The following ACSS3 variants were observed in gnomAD, a reference collection of about 807,000 sequenced individuals.
The protein encoded by ACSS3 is acyl-CoA synthetase short-chain family member 3, mitochondrial.
A neutral mutation model predicts 84.2 loss-of-function variants in ACSS3; 64 were observed. The observed-to-expected ratio is 0.76, with a 90% CI of 0.62 to 0.94. The LOEUF is 0.94. Ranked by LOEUF, ACSS3 falls within the 40% of genes least tolerant of loss-of-function variation. ACSS3 has a pLI of 0.00. For missense variants in ACSS3, 815 were observed against 867.6 expected, an observed-to-expected ratio of 0.94 and a Z score of 0.76; for synonymous variants, 317 against 310.1, an observed-to-expected ratio of 1.02 and a Z score of -0.23.
chr12:81,085,153 C>T (rs1337615276), intron 1 of ACSS3, among the ~76,000 whole-genome samples: 4 of 152,156 alleles, frequency 2.6e-5, no homozygotes, highest in African/African-American at 9.7e-5. Context: ...CAACAGGACT[C>T]CTTGTTTTTG....
At chr12:81,086,484 A>C (rs945356184) in intron 1 of ACSS3, among the ~76,000 whole-genome samples, 1 of 152,338 alleles carries the variant, frequency 6.6e-6, no homozygotes, top group Non-Finnish European at 1.5e-5. Flanking sequence ...GACAGAACAG[A>C]GTGAACTACA....
At chr12:81,163,042 A>G (rs917160498) in intron 7 of ACSS3, among the ~76,000 whole-genome samples, 1 of 151,630 alleles carries the variant, frequency 6.6e-6, no homozygotes, top group Non-Finnish European at 1.5e-5. Context: ...GGCCCAGAGG[A>G]CTGGGATCCT....
chr12:81,200,171 T>C (rs950680924), intron 9 of ACSS3, among the ~76,000 whole-genome samples: 1 of 152,194 alleles, frequency 6.6e-6, no homozygotes, highest in Non-Finnish European at 1.5e-5. Context: ...ATCTGCTGCT[T>C]CTTTTGAGGG....
chr12:81,229,279 T>C (rs148961913), intron 11 of ACSS3, among the ~76,000 whole-genome samples: 223 of 151,904 alleles, frequency 1.5e-3, no homozygotes, highest in Non-Finnish European at 1.3e-3. Context: ...GAATGAATCT[T>C]CATCAGGTTT....
At chr12:81,226,216 A>G (rs575200427) in intron 11 of ACSS3, among the ~76,000 whole-genome samples, 1 of 151,996 alleles carries the variant, frequency 6.6e-6, no homozygotes, top group South Asian at 2.1e-4. Flanking sequence ...ACTTCATTTA[A>G]CCTTGTTTAA....
chr12:81,235,280 GT>G (rs905253597), intron 13 of ACSS3, among the ~76,000 whole-genome samples: 23 of 150,456 alleles, frequency 1.5e-4, no homozygotes, highest in East Asian at 3.9e-4. Context: ...ATTGATCTAT[GT>G]TTTTTTTATG....
intron 9 of ACSS3, among the ~76,000 whole-genome samples, chr12:81,206,647 A>G (rs1432065268): frequency 1.3e-5 from 2 of 151,966 alleles, no homozygotes; most frequent in African/African-American, 4.8e-5. Context: ...GCCCTATGTC[A>G]TTATTGTTGC....
At chr12:81,227,918 C>T (rs2033324966) in intron 11 of ACSS3, among the ~76,000 whole-genome samples, 1 of 151,686 alleles carries the variant, frequency 6.6e-6, no homozygotes, top group South Asian at 2.1e-4. Context: ...TTATTCTCTT[C>T]GCTGCCATTT....
At chr12:81,105,706 G>T (rs1216222923) in intron 1 of ACSS3, among the ~76,000 whole-genome samples, 2 of 152,194 alleles carry the variant, frequency 1.3e-5, no homozygotes, top group African/African-American at 4.8e-5. Flanking sequence ...CATGGCAAGT[G>T]CTGTATATAT....
Position 81,143,225 on chromosome 12 carries a change from CT to C in ACSS3, c.900del (p.Gly301AlafsTer9). 2 of 1,602,856 alleles carry C rather than the reference CT, an allele frequency of 1.2e-6. No individual in the cohort carries two copies. Among genetic ancestry groups the C allele is most frequent in the East Asian group, 2.2e-5 (1 of 44,656 alleles). On this transcript the variant is annotated frameshift_variant, in exon 5 of 16. Coordinates refer to ENST00000548058, the MANE Select transcript of ACSS3 (RefSeq NM_024560.4). LOFTEE classifies it high-confidence loss of function. ...CACCCACTGTATATTCTTTACACAT[CT>C]GGCACAACGGGGTTACCTAAGGTAC... Reference protein sequence around the residue: ...SEHPLYILYTSGTTGLPKGVI... With the variant: ...SEHPLYILYTXGTTGLPKGVI...
At chr12:81,193,170 A>G (rs2031661851) in intron 8 of ACSS3, among the ~76,000 whole-genome samples, 1 of 152,162 alleles carries the variant, frequency 6.6e-6, no homozygotes, top group South Asian at 2.1e-4. Context: ...GAAGATAACC[A>G]CAGATATATT....
At chr12:81,115,433 T>G (rs773021890) in intron 2 of ACSS3, among the ~76,000 whole-genome samples, 1 of 152,098 alleles carries the variant, frequency 6.6e-6, no homozygotes, top group Non-Finnish European at 1.5e-5. Context: ...TTGAACTTCT[T>G]ATCCTGTGCT....
chr12:81,134,859 AAGGTGAC>A lies in ACSS3; in HGVS notation c.502_508del (p.Gly168LeufsTer8). Reference sequence around the variant, plus strand: ...GTCTTGGTCAAGCATGGCATCAAGAAAGGTGACACTGTGGTTATCTACATGCCTATGA... The same window carrying A: ...GTCTTGGTCAAGCATGGCATCAAGAAACTGTGGTTATCTACATGCCTATGA... On this transcript the variant is annotated frameshift_variant, in exon 3 of 16. Coordinates refer to ENST00000548058, the MANE Select transcript of ACSS3 (RefSeq NM_024560.4). LOFTEE classifies it high-confidence loss of function. 1 of 1,590,568 alleles carries A rather than the reference AAGGTGAC, an allele frequency of 6.3e-7. No homozygotes were observed. The highest frequency in any genetic ancestry group is 8.6e-7 in the Non-Finnish European group (1 of 1,166,486).
intron 1 of ACSS3, among the ~76,000 whole-genome samples, chr12:81,096,024 T>G (rs544702062): frequency 7.9e-5 from 12 of 152,340 alleles, no homozygotes; most frequent in African/African-American, 2.2e-4. Context: ...TTTGGAGAGT[T>G]TCCTGGAACA....
At chr12:81,105,579 A>G (rs1348207253) in intron 1 of ACSS3, among the ~76,000 whole-genome samples, 2 of 152,160 alleles carry the variant, frequency 1.3e-5, no homozygotes, top group Non-Finnish European at 2.9e-5. Context: ...CTTGACTTTA[A>G]AATGGAGAGT....
chr12:81,146,768 T>G (rs1329305757), intron 5 of ACSS3, among the ~76,000 whole-genome samples: 1 of 152,174 alleles, frequency 6.6e-6, no homozygotes, highest in East Asian at 1.9e-4. Context: ...GATAAAAGAA[T>G]CCCTCATCTG....
chr12:81,186,195 C>G (rs1345546648), intron 8 of ACSS3, among the ~76,000 whole-genome samples: 1 of 151,618 alleles, frequency 6.6e-6, no homozygotes, highest in Non-Finnish European at 1.5e-5. Flanking sequence ...CTACATTATA[C>G]ACAAAAATCA....
intron 13 of ACSS3, among the ~76,000 whole-genome samples, chr12:81,239,187 T>C (rs2033714450): frequency 6.6e-6 from 1 of 151,984 alleles, no homozygotes; most frequent in Non-Finnish European, 1.5e-5. Context: ...TATTGATTGC[T>C]AGTTTAATTC....
chr12:81,174,434 A>G (rs912603678), intron 7 of ACSS3: 3 of 163,802 alleles, frequency 1.8e-5, no homozygotes, highest in African/African-American at 7.1e-5. Flanking sequence ...TGAAAAATAC[A>G]TTAAAGTTCA....
Sources: gnomAD v4.1 joint callset for allele counts (sites outside exome capture counted in the v4.1 genomes callset) on GRCh38, gnomAD v4.1.1 for gene constraint, MANE v1.5 for transcripts, NCBI Gene and HGNC (gene_info 2026-07-23, HGNC 2026-07-21) for gene names.